The following IL27RA variants were observed in gnomAD, a reference collection of about 807,000 sequenced individuals.
The protein encoded by IL27RA is interleukin-27 receptor subunit alpha.
In IL27RA, 61 loss-of-function variants were observed where a neutral mutation model predicts 80.8. That is an observed-to-expected ratio of 0.76 (90% CI 0.61 to 0.93). The LOEUF is 0.93. IL27RA is among the 40% of genes least tolerant of loss of function. IL27RA has a pLI of 0.00. For missense variants in IL27RA, 735 were observed against 808.1 expected, an observed-to-expected ratio of 0.91 and a Z score of 1.10; for synonymous variants, 316 against 332.5, an observed-to-expected ratio of 0.95 and a Z score of 0.54.
chr19:14,038,922 A>AAGGG (rs373176189), intron 2 of IL27RA, among the ~76,000 whole-genome samples: 1,685 of 150,258 alleles, frequency 0.011, 35 homozygotes, highest in African/African-American at 0.039. Context: ...GCAAGGAAGG[A>AAGGG]AGGGAGGGAG....
chr19:14,039,274 T>TA (rs34637852), intron 2 of IL27RA, among the ~76,000 whole-genome samples: 28,624 of 144,932 alleles, frequency 0.2, 2,839 homozygotes, highest in South Asian at 0.35. Context: ...GTGACTGTCT[T>TA]AAAAAAAAAA....
Position 14,046,519 on chromosome 19 carries a change from C to G in IL27RA, c.1042C>G (p.Pro348Ala). 3 of 1,614,116 alleles carry G rather than the reference C, an allele frequency of 1.9e-6. No individual in the cohort carries two copies. The highest frequency in any genetic ancestry group is 2.5e-6 in the Non-Finnish European group (3 of 1,180,008). ...LVTWQPGPGE[P>A]LEHVVDWARD... is the part of the protein sequence containing the mutation. ...GACCTGGCAACCGGGGCCTGGGGAA[C>G]CACTGGAGCATGTAGTGGACTGGGC... Residue 348 changes from proline to alanine, a missense_variant, in exon 8 of 14, where the codon CCA becomes GCA. Coordinates refer to ENST00000263379, the MANE Select transcript of IL27RA (RefSeq NM_004843.4).
At position 14,032,634 on chromosome 19, in the gene IL27RA, C is replaced by CAAAAAAAAAA. The variant is rs766574764; in HGVS notation, c.218+144_218+153dup. 1.0e-3 allele frequency: 97 copies of CAAAAAAAAAA among 93,076 alleles called. 1 individual carries two copies. The highest frequency in any genetic ancestry group is 4.2e-3 in the South Asian group (16 of 3,830). The allele number at this position is 93,076 out of a possible 1,614,324, so 5.8% of individuals were successfully genotyped here. A position where few individuals can be genotyped will look rare whatever the true frequency, so the allele number is the denominator to read the frequency against. On this transcript the variant is annotated intron_variant, in intron 2 of 13. Transcript: ENST00000263379. Reference sequence around the variant, plus strand: ...TGAAACCCTGTCTATACTAAAAATACAAAAAAAAAAAAAAAAAAAAAATTA... The same window carrying CAAAAAAAAAA: ...TGAAACCCTGTCTATACTAAAAATACAAAAAAAAAAAAAAAAAAAAAAAAAAAAAAAATTA...
intron 8 of IL27RA, among the ~76,000 whole-genome samples, chr19:14,048,540 C>G (rs1467351164): frequency 6.6e-6 from 1 of 152,172 alleles, no homozygotes; most frequent in Admixed American, 6.6e-5. Context: ...TTTTAGGCCT[C>G]TCTCCCAGCT....
At chr19:14,048,402 A>G (rs149522180) in intron 8 of IL27RA, among the ~76,000 whole-genome samples, 9 of 152,336 alleles carry the variant, frequency 5.9e-5, no homozygotes, top group Middle Eastern at 3.4e-3. Context: ...AGGCCCAATT[A>G]TGGAAAATTC....
rs1568499731 is a variant in IL27RA, at chr19:14,037,836, T to TCTC, written c.219-1672_219-1671insCTC. ...TGAGACCCTCTCGCTCTCTCTCTCT[T>TCTC]TTTTTTTTTTTTTGAAATGGAGTCT... On this transcript the variant is annotated intron_variant, in intron 2 of 13. Coordinates refer to ENST00000263379, the MANE Select transcript of IL27RA (RefSeq NM_004843.4). Among the ~76,000 whole-genome samples the TCTC allele has an allele frequency of 1.0e-3, 29 of 28,776 alleles. No individual in the cohort carries two copies. In the South Asian group the frequency reaches 0.046, roughly 46 times the overall value. 18.9% of individuals were successfully genotyped at this position (28,776 alleles called of 152,430 possible). A position where few individuals can be genotyped will look rare whatever the true frequency, so the allele number is the denominator to read the frequency against.
chr19:14,050,498 C>T (rs1039349506), intron 10 of IL27RA, among the ~76,000 whole-genome samples: 2 of 123,584 alleles, frequency 1.6e-5, no homozygotes, highest in African/African-American at 6.7e-5. Flanking sequence ...TGTTACAGAG[C>T]GAGACTTCAT....
chr19:14,042,397 T>G, intron 4 of IL27RA, 56 bp from the exon 5 acceptor site: 1 of 1,547,624 alleles, frequency 6.5e-7, no homozygotes, highest in South Asian at 1.2e-5. Flanking sequence ...AAAGATAAGT[T>G]CAAATACCCT....
At chr19:14,033,950 C>T (rs992665218) in intron 2 of IL27RA, among the ~76,000 whole-genome samples, 1 of 151,850 alleles carries the variant, frequency 6.6e-6, no homozygotes, top group Admixed American at 6.6e-5. Flanking sequence ...GCCGACAGAG[C>T]GAGACTCCAT....
intron 6 of IL27RA, among the ~76,000 whole-genome samples, chr19:14,044,621 G>A (rs1976037205): frequency 6.6e-6 from 1 of 152,062 alleles, no homozygotes; most frequent in East Asian, 1.9e-4. Context: ...TTGGAACCAA[G>A]ACCAGGGTTA....
rs750376466 is a variant in IL27RA at position 14,046,652 on chromosome 19, G to T, written c.1141+34G>T. On this transcript the variant is annotated intron_variant, in intron 8 of 13. Transcript: ENST00000263379. ...CTGGGACACCTGGGTCTCCATCCCC[G>T]CTGTTAGAGCAGACGGATGGGTGGA... The T allele has an allele frequency of 4.4e-5, 68 of 1,538,204 alleles. No individual in the cohort carries two copies. In the Admixed American group the frequency reaches 1.1e-3, roughly 24 times the overall value.
At chr19:14,048,608 C>T (rs115593569) in intron 8 of IL27RA, among the ~76,000 whole-genome samples, 1,552 of 152,236 alleles carry the variant, frequency 0.01, 36 homozygotes, top group African/African-American at 0.036. Context: ...ATTTTGCCTG[C>T]CTGAGAAGCA....
At chr19:14,034,765 A>G (rs1975873448) in intron 2 of IL27RA, among the ~76,000 whole-genome samples, 1 of 151,746 alleles carries the variant, frequency 6.6e-6, no homozygotes, top group Non-Finnish European at 1.5e-5. Flanking sequence ...ATCCTGGCTA[A>G]CACGGTGAAA....
chr19:14,047,442 C>T (rs1270708654), intron 8 of IL27RA, among the ~76,000 whole-genome samples: 2 of 150,738 alleles, frequency 1.3e-5, no homozygotes, highest in African/African-American at 4.9e-5. Context: ...GCAGCCTTCA[C>T]CTCCCGGGTT....
intron 2 of IL27RA, 113 bp from the exon 3 acceptor site, chr19:14,039,395 G>A: frequency 1.7e-6 from 2 of 1,187,310 alleles, no homozygotes; most frequent in Non-Finnish European, 1.2e-6. Context: ...CAGCAGAGGT[G>A]GGATTTGAAC....
At chr19:14,046,368 G>A in intron 7 of IL27RA, 31 bp downstream of exon 7, 1 of 1,613,630 alleles carries the variant, frequency 6.2e-7, no homozygotes, top group Non-Finnish European at 8.5e-7. Flanking sequence ...TCAGCTCGGT[G>A]CCCTGGAGGG....
At position 14,046,272 on chromosome 19, in the gene IL27RA, C is replaced by T; in HGVS notation, c.887C>T (p.Ala296Val). The change falls in exon 7 of 14, where the codon GCC becomes GTC. Residue 296 changes from alanine (A) to valine (V), a missense_variant. Physicochemically the swap from Ala to Val is moderately conservative, Grantham distance 64 (BLOSUM62 0). Transcript: ENST00000263379. ...CSLIPSGAEWARVSAVNATSW... is the reference protein window; with the variant it reads ...CSLIPSGAEWVRVSAVNATSW... ...CTAATTCCCAGTGGGGCGGAGTGGG[C>T]CAGGGTGTCCGCTGTCAACGCCACA... The T allele has an allele frequency of 1.2e-6, 2 of 1,614,138 alleles. No homozygotes were observed. The highest frequency in any genetic ancestry group is 1.7e-6 in the Non-Finnish European group (2 of 1,180,030).
At chr19:14,047,888 T>G (rs1327921562) in intron 8 of IL27RA, among the ~76,000 whole-genome samples, 7 of 150,690 alleles carry the variant, frequency 4.6e-5, no homozygotes, top group African/African-American at 1.5e-4. Context: ...GGTCTCGATC[T>G]CTTGACCTCG....
Position 14,049,313 on chromosome 19 carries a change from T to C in IL27RA, c.1401T>C (p.Asn467=). 6.2e-7 allele frequency: 1 copy of C among 1,612,298 alleles called. No homozygotes were observed. The highest frequency in any genetic ancestry group is 1.1e-5 in the South Asian group (1 of 90,920). ...QSGTSPSVCM[N]VSGNTQSVTL... is the part of the protein sequence containing the mutation. ...GAACCAGCCCCTCCGTCTGCATGAATGGTGAGCTTCCCTGCCTGCTGACCT... is the reference window on the plus strand; with the variant it reads ...GAACCAGCCCCTCCGTCTGCATGAACGGTGAGCTTCCCTGCCTGCTGACCT... The change falls in exon 10 of 14, where the codon AAT becomes AAC. Residue 467 remains asparagine, a splice_region_variant and synonymous_variant. Coordinates refer to ENST00000263379, the MANE Select transcript of IL27RA (RefSeq NM_004843.4).
Sources: gnomAD v4.1 joint callset for allele counts (sites outside exome capture counted in the v4.1 genomes callset) on GRCh38, gnomAD v4.1.1 for gene constraint, MANE v1.5 for transcripts, NCBI Gene and HGNC (gene_info 2026-07-23, HGNC 2026-07-21) for gene names.